The following ALPK2 variants were observed in gnomAD, a reference collection of about 807,000 sequenced individuals.
ALPK2 encodes alpha-protein kinase 2.
In ALPK2, 127 loss-of-function variants were observed where a neutral mutation model predicts 163.1. That is an observed-to-expected ratio of 0.78 (90% CI 0.67 to 0.90). The LOEUF (loss-of-function observed/expected upper bound fraction) is 0.90, where lower values mean the gene tolerates loss of function less well. Among genes scored for constraint, ALPK2 ranks in the 40% least tolerant of loss-of-function variants. The pLI, the probability that ALPK2 is intolerant of heterozygous loss-of-function variation, is 0.00. For missense variants in ALPK2, 2,360 were observed against 2,589.6 expected (o/e 0.91, Z 1.92); for synonymous variants, 953 against 959.1 (o/e 0.99, Z 0.12).
chr18:58,581,021 C>G (rs913372206), intron 3 of ALPK2: 1 of 151,972 alleles, frequency 6.6e-6, no homozygotes, highest in East Asian at 1.9e-4. Flanking sequence ...AGCAGCCATT[C>G]TTTTATTCCT....
intron 1 of ALPK2, among the ~76,000 whole-genome samples, chr18:58,618,926 T>A (rs1212679285): frequency 6.6e-6 from 1 of 152,184 alleles, no homozygotes; most frequent in Admixed American, 6.5e-5. Flanking sequence ...TAACCGGCTC[T>A]TGTGGAGCTG....
chr18:58,538,222 T>C lies in ALPK2; in HGVS notation c.1965A>G (p.Val655=), dbSNP rs754765122. The change falls in exon 5 of 13, where the codon GTA becomes GTG. Residue 655 remains valine (V), a splice_region_variant and synonymous_variant. Transcript: ENST00000361673. ...QVPDWSDPPQ[V]QVQETVRETI... Reference sequence around the variant, plus strand: ...TCTCTCTGACTGTTTCCTGAACTTGTACCTAGGAAGATGAAAAGTGATATT... The same window carrying C: ...TCTCTCTGACTGTTTCCTGAACTTGCACCTAGGAAGATGAAAAGTGATATT... 7 of 1,607,214 alleles carry C rather than the reference T, an allele frequency of 4.4e-6. No individual in the cohort carries two copies. In the South Asian group the frequency reaches 7.7e-5, roughly 18 times the overall value.
At chr18:58,511,971 T>A (rs2051492370) in intron 10 of ALPK2, 1 of 152,248 alleles carries the variant, frequency 6.6e-6, no homozygotes, top group Non-Finnish European at 1.5e-5. Flanking sequence ...CTTTCTAATT[T>A]TAAGATAGAA....
In ALPK2 at chr18:58,537,045, C is replaced by A. The variant is rs1346421560; in HGVS notation, c.3142G>T (p.Val1048Phe). ...ERFPRASHEKVSQFPSQVQLD... is the reference protein window; with the variant it reads ...ERFPRASHEKFSQFPSQVQLD... ...TGCACTTGGGAAGGAAATTGGGAAA[C>A]CTTTTCATGGGATGCACGAGGGAAC... is the stretch of plus-strand genomic sequence containing the variant. The change falls in exon 5 of 13, where the codon GTT becomes TTT. Residue 1048 changes from valine (V) to phenylalanine (F), a missense_variant. Coordinates refer to ENST00000361673, the MANE Select transcript of ALPK2 (RefSeq NM_052947.4). The A allele has an allele frequency of 3.1e-6, 5 of 1,613,886 alleles. No individual in the cohort carries two copies. Among genetic ancestry groups the A allele is most frequent in the Non-Finnish European group, 4.2e-6 (5 of 1,179,778 alleles).
chr18:58,624,467 T>C (rs1218070749), intron 1 of ALPK2, among the ~76,000 whole-genome samples: 1 of 120,396 alleles, frequency 8.3e-6, no homozygotes, highest in Non-Finnish European at 1.8e-5. Flanking sequence ...TTTTTTTTTC[T>C]TTTTGAGACA....
intron 1 of ALPK2, among the ~76,000 whole-genome samples, chr18:58,612,201 C>G (rs930454528): frequency 4.6e-5 from 7 of 152,284 alleles, no homozygotes; most frequent in African/African-American, 1.7e-4. Flanking sequence ...ACCCAGAGTT[C>G]CAATGGAGAG....
chr18:58,590,711 G>C lies in ALPK2; in HGVS notation c.228-10163C>G, dbSNP rs995213591. 6.6e-5 allele frequency among the ~76,000 whole-genome samples: 10 copies of C among 152,300 alleles called. No homozygotes were observed. In the South Asian group the frequency reaches 1.9e-3, roughly 28 times the overall value. ...GATGGAAGAATTCTCTGAATTTCTTGATCATATTTTCTATAAGTAACTTGA... is the reference window on the plus strand; with the variant it reads ...GATGGAAGAATTCTCTGAATTTCTTCATCATATTTTCTATAAGTAACTTGA... On this transcript the variant is annotated intron_variant, in intron 3 of 12. Coordinates refer to ENST00000361673, the MANE Select transcript of ALPK2 (RefSeq NM_052947.4).
intron 12 of ALPK2, among the ~76,000 whole-genome samples, chr18:58,484,234 T>C (rs2051327250): frequency 6.6e-6 from 1 of 152,186 alleles, no homozygotes; most frequent in African/African-American, 2.4e-5. Context: ...TTTAAAAATA[T>C]AGTCACATGG....
intron 5 of ALPK2, 48 bp from the exon 6 acceptor site, chr18:58,529,286 T>A: frequency 6.6e-7 from 1 of 1,520,960 alleles, no homozygotes; most frequent in Non-Finnish European, 9.0e-7. Flanking sequence ...ACTTTCCCAT[T>A]TCATACCATT....
intron 1 of ALPK2, among the ~76,000 whole-genome samples, chr18:58,625,345 T>G (rs1211471226): frequency 6.6e-6 from 1 of 152,218 alleles, no homozygotes; most frequent in Non-Finnish European, 1.5e-5. Flanking sequence ...ACTGTATCTG[T>G]GTCTCTGGCA....
rs765233437 is a variant in ALPK2 at position 58,580,469 on chromosome 18, C to G, written c.307G>C (p.Glu103Gln). Residue 103 changes from glutamate (E) to glutamine (Q), a missense_variant, in exon 4 of 13, where the codon GAG (glutamate) becomes CAG (glutamine). Coordinates refer to ENST00000361673, the MANE Select transcript of ALPK2 (RefSeq NM_052947.4). Reference protein sequence around the residue: ...FGMICCSASVEVECSSENPQL... With the variant: ...FGMICCSASVQVECSSENPQL... Reference sequence around the variant, plus strand: ...GGGTTCTCTGATGAGCACTCAACCTCAACGGAAGCAGAACAACAGATCATT... The same window carrying G: ...GGGTTCTCTGATGAGCACTCAACCTGAACGGAAGCAGAACAACAGATCATT... 3.7e-6 allele frequency: 6 copies of G among 1,614,156 alleles called. No homozygotes were observed. Among genetic ancestry groups the G allele is most frequent in the Non-Finnish European group, 5.1e-6 (6 of 1,180,028 alleles).
At chr18:58,576,099 C>T (rs547769581) in intron 4 of ALPK2, among the ~76,000 whole-genome samples, 5 of 152,214 alleles carry the variant, frequency 3.3e-5, no homozygotes, top group Admixed American at 6.5e-5. Context: ...TTTGACCGAG[C>T]GTGGTGGCTC....
At chr18:58,513,148 T>C (rs2051502954) in intron 10 of ALPK2, among the ~76,000 whole-genome samples, 1 of 149,328 alleles carries the variant, frequency 6.7e-6, no homozygotes, top group Non-Finnish European at 1.5e-5. Flanking sequence ...GTGTGGTATG[T>C]ATGTGTGGTG....
intron 6 of ALPK2, among the ~76,000 whole-genome samples, chr18:58,526,220 G>A (rs1190938501): frequency 6.6e-6 from 1 of 152,178 alleles, no homozygotes; most frequent in Non-Finnish European, 1.5e-5. Flanking sequence ...TGCAAAAGAA[G>A]CCCATGTCCA....
chr18:58,593,739 G>A (rs1209817418), intron 3 of ALPK2, among the ~76,000 whole-genome samples: 12 of 151,592 alleles, frequency 7.9e-5, no homozygotes, highest in Admixed American at 3.9e-4. Context: ...TTAGCCAGGC[G>A]TGGTGGTGCA....
At chr18:58,574,480 A>AGG (rs1297797753) in intron 4 of ALPK2, among the ~76,000 whole-genome samples, 1 of 150,358 alleles carries the variant, frequency 6.7e-6, no homozygotes, top group Non-Finnish European at 1.5e-5. Flanking sequence ...GGTTTAGAAC[A>AGG]GGGGTCCCCA....
intron 4 of ALPK2, among the ~76,000 whole-genome samples, chr18:58,556,188 C>T (rs1380052180): frequency 6.6e-6 from 1 of 151,170 alleles, no homozygotes; most frequent in Non-Finnish European, 1.5e-5. Flanking sequence ...CACACACACG[C>T]ACACACAATT....
rs942655253 is a variant in ALPK2 at position 58,615,602 on chromosome 18, A to C, written c.-20-3785T>G. ...AAGGAAAGAGTTCACTTGTTTCATCAGTTTCCTTTTCTGCTGTGGGTTACC... is the reference window on the plus strand; with the variant it reads ...AAGGAAAGAGTTCACTTGTTTCATCCGTTTCCTTTTCTGCTGTGGGTTACC... On this transcript the variant is annotated intron_variant, in intron 1 of 12. Coordinates refer to ENST00000361673, the MANE Select transcript of ALPK2 (RefSeq NM_052947.4). 8.5e-5 allele frequency among the ~76,000 whole-genome samples: 13 copies of C among 152,356 alleles called. No homozygotes were observed. The East Asian group carries it at 2.5e-3, about 29-fold the overall frequency.
At chr18:58,498,576 G>GC (rs2051413359) in intron 11 of ALPK2, among the ~76,000 whole-genome samples, 1 of 152,206 alleles carries the variant, frequency 6.6e-6, no homozygotes, top group Non-Finnish European at 1.5e-5. Flanking sequence ...ATATGGTTTG[G>GC]CCATGTCCCC....
Sources: allele counts gnomAD v4.1 joint callset (sites outside exome capture counted in the v4.1 genomes callset), GRCh38; gene constraint gnomAD v4.1.1; transcripts MANE v1.5; gene names NCBI Gene and HGNC (gene_info 2026-07-23, HGNC 2026-07-21).